CSNK1E: variants seen among roughly 807,000 people sequenced by gnomAD.
The protein encoded by CSNK1E is casein kinase 1 epsilon, also known as casein kinase I isoform epsilon.
CSNK1E carries 17 observed loss-of-function variants against 46.1 expected under a neutral mutation model. The ratio of observed to expected loss-of-function variants is 0.37; its 90% CI spans 0.25 to 0.55. CSNK1E has a LOEUF of 0.55. CSNK1E is among the 20% of genes least tolerant of loss of function. The pLI is 0.82. For missense variants in CSNK1E, 386 were observed against 595.4 expected (o/e 0.65, Z 3.66); for synonymous variants, 241 against 242.6 (o/e 0.99, Z 0.06).
rs1318508318 is a variant in CSNK1E, at chr22:38,300,319, G to A, written c.566-254C>T. ...ACTTAATCATTCAATGACTATGAGA[G>A]GGCACCTACTGCCCCCTTGCCTGGC... On this transcript the variant is annotated intron_variant, in intron 5 of 10. Coordinates refer to ENST00000396832, the MANE Select transcript of CSNK1E (RefSeq NM_152221.3). This position sits in a 1 kb window ranked among gnomAD's most constrained non-coding sequence, Gnocchi z 4.4. Among the ~76,000 whole-genome samples, 3 of 152,240 alleles carry A rather than the reference G, an allele frequency of 2.0e-5. No individual in the cohort carries two copies. Among genetic ancestry groups the A allele is most frequent in the African/African-American group, 7.2e-5 (3 of 41,460 alleles).
intron 7 of CSNK1E, among the ~76,000 whole-genome samples, chr22:38,295,095 T>G (rs949233735): frequency 6.6e-6 from 1 of 152,144 alleles, no homozygotes; most frequent in Non-Finnish European, 1.5e-5. Context: ...TCCTTCCCCC[T>G]GCCGGGACCT....
chr22:38,293,118 T>TA (rs1482543454), intron 10 of CSNK1E, 137 bp downstream of exon 10: 6 of 745,514 alleles, frequency 8.0e-6, no homozygotes, highest in Middle Eastern at 2.7e-4. Flanking sequence ...TGAGGCCCCT[T>TA]AGAGTTCTGG....
Position 38,294,007 on chromosome 22 carries a change from G to T in CSNK1E, c.1218+102C>A. 1 of 1,369,888 alleles carries T rather than the reference G, an allele frequency of 7.3e-7. No individual in the cohort carries two copies. The highest frequency in any genetic ancestry group is 9.9e-7 in the Non-Finnish European group (1 of 1,010,924). 84.9% of individuals were successfully genotyped at this position (1,369,888 alleles called of 1,614,324 possible). ...GAAGGGGTTCACTCCAAGGCAAGCAGCGTCGATGGAAAGGGAAGAACAGAG... is the reference window on the plus strand; with the variant it reads ...GAAGGGGTTCACTCCAAGGCAAGCATCGTCGATGGAAAGGGAAGAACAGAG... On this transcript the variant is annotated intron_variant, in intron 9 of 10. Coordinates refer to ENST00000396832, the MANE Select transcript of CSNK1E (RefSeq NM_152221.3). The surrounding 1 kb of genome is among the most constrained non-coding windows in gnomAD (Gnocchi z 5.5).
In CSNK1E at chr22:38,292,792, C is replaced by G. The variant is rs188925297; in HGVS notation, c.*32+463G>C. The G allele has an allele frequency of 3.2e-3, 529 of 166,102 alleles. 9 individuals are homozygous for G. Among genetic ancestry groups the G allele is most frequent in the Non-Finnish European group, 2.1e-3 (159 of 75,710 alleles). 10.3% of individuals were successfully genotyped at this position (166,102 alleles called of 1,614,324 possible). A position where few individuals can be genotyped will look rare whatever the true frequency, so the allele number is the denominator to read the frequency against. ...CTCACGCTGGCCAGAGGGCCTCTCT[C>G]AGTCCTACTACAGAGGCATAAAAAG... is the stretch of plus-strand genomic sequence containing the variant. On this transcript the variant is annotated intron_variant, in intron 10 of 10. Transcript: ENST00000396832.
chr22:38,305,713 A>G (rs2092695735), intron 2 of CSNK1E, among the ~76,000 whole-genome samples: 1 of 151,614 alleles, frequency 6.6e-6, no homozygotes, highest in Admixed American at 6.5e-5. Context: ...AGAAATGCAA[A>G]TTAATATGAT....
At position 38,291,336 on chromosome 22, in the gene CSNK1E, A is replaced by T. The variant is rs2092608753; in HGVS notation, c.*635T>A. On this transcript the variant is annotated 3_prime_UTR_variant, in exon 11 of 11. Coordinates refer to ENST00000396832, the MANE Select transcript of CSNK1E (RefSeq NM_152221.3). Reference sequence around the variant, plus strand: ...TGTCTTGGGAAACACAGGTCAATACATCCACACACACACACACACACACAC... The same window carrying T: ...TGTCTTGGGAAACACAGGTCAATACTTCCACACACACACACACACACACAC... 1 of 80,170 alleles carries T rather than the reference A, an allele frequency of 1.2e-5. No homozygotes were observed. Among genetic ancestry groups the T allele is most frequent in the Admixed American group, 1.4e-4 (1 of 6,968 alleles). 5.0% of individuals were successfully genotyped at this position (80,170 alleles called of 1,614,324 possible).
chr22:38,308,532 A>G (rs2092708081), intron 2 of CSNK1E, among the ~76,000 whole-genome samples: 2 of 152,090 alleles, frequency 1.3e-5, no homozygotes, highest in South Asian at 4.2e-4. Context: ...CACCCCTCTG[A>G]GCCCCAGGTA....
chr22:38,298,159 T>C lies in CSNK1E; in HGVS notation c.885+627A>G, dbSNP rs753913446. The C allele has an allele frequency of 3.1e-6, 4 of 1,301,832 alleles. No individual in the cohort carries two copies. Among genetic ancestry groups the C allele is most frequent in the Non-Finnish European group, 4.0e-6 (4 of 987,678 alleles). The allele number at this position is 1,301,832 out of a possible 1,614,324, so 80.6% of individuals were successfully genotyped here. ...GGCGGGGACAGAAAGGTCCCTTCGC[T>C]GTCATGGGGCTGTCACGGGGCTGAG... On this transcript the variant is annotated intron_variant, in intron 7 of 10. Transcript: ENST00000396832. This position sits in a 1 kb window ranked among gnomAD's most constrained non-coding sequence, Gnocchi z 4.2.
At chr22:38,316,478 G>A (rs1291416919) in intron 1 of CSNK1E, among the ~76,000 whole-genome samples, 2 of 152,200 alleles carry the variant, frequency 1.3e-5, no homozygotes, top group Non-Finnish European at 2.9e-5. Context: ...TCGAGTTAGG[G>A]TATTAACAAG....
chr22:38,308,418 G>C (rs997964365), intron 2 of CSNK1E, among the ~76,000 whole-genome samples: 1 of 152,058 alleles, frequency 6.6e-6, no homozygotes, highest in Non-Finnish European at 1.5e-5. Context: ...GAGCAGAGAG[G>C]CAGGAGAGTG....
At chr22:38,316,701 G>A (rs2092747781) in intron 1 of CSNK1E, 1 of 152,278 alleles carries the variant, frequency 6.6e-6, no homozygotes, top group Non-Finnish European at 1.5e-5. Context: ...CAACGAGCGG[G>A]CGCAGCCTTG....
intron 2 of CSNK1E, among the ~76,000 whole-genome samples, chr22:38,311,287 G>C (rs925059985): frequency 1.3e-5 from 2 of 152,170 alleles, no homozygotes; most frequent in Non-Finnish European, 2.9e-5. Flanking sequence ...GCTCACAAAA[G>C]GAAGAACCAG....
intron 7 of CSNK1E, chr22:38,297,087 T>C (rs751352663): frequency 2.6e-6 from 2 of 773,606 alleles, no homozygotes; most frequent in South Asian, 2.7e-5. Context: ...ATTTCCAGTC[T>C]TGATTAATTT....
chr22:38,299,391 G>C (rs924131485), intron 6 of CSNK1E, among the ~76,000 whole-genome samples: 2 of 152,250 alleles, frequency 1.3e-5, no homozygotes, highest in Non-Finnish European at 2.9e-5. Flanking sequence ...GATGAGGCAG[G>C]AATGTAGGCC....
chr22:38,300,627 G>T lies in CSNK1E; in HGVS notation c.565+97C>A. 8.5e-7 allele frequency: 1 copy of T among 1,175,100 alleles called. No individual in the cohort carries two copies. 72.8% of individuals were successfully genotyped at this position (1,175,100 alleles called of 1,614,324 possible). Reference sequence around the variant, plus strand: ...GGACTTTCTCACTAGAAAAGAGCCTGGGGGCCTCCATCAGGGTAGGGGGTG... The same window carrying T: ...GGACTTTCTCACTAGAAAAGAGCCTTGGGGCCTCCATCAGGGTAGGGGGTG... On this transcript the variant is annotated intron_variant, in intron 5 of 10. Coordinates refer to ENST00000396832, the MANE Select transcript of CSNK1E (RefSeq NM_152221.3). This position sits in a 1 kb window ranked among gnomAD's most constrained non-coding sequence, Gnocchi z 4.4.
chr22:38,304,570 TCAG>T (rs897767292), intron 2 of CSNK1E, among the ~76,000 whole-genome samples: 1 of 151,944 alleles, frequency 6.6e-6, no homozygotes, highest in Non-Finnish European at 1.5e-5. Context: ...GCCCAAGTGC[TCAG>T]CAGCAGAAGA....
chr22:38,300,702 G>A lies in CSNK1E; in HGVS notation c.565+22C>T, dbSNP rs1307556598. ...CAGCCAGTGGCCCCGGGTGCACACTGCTCCAGGCCTGGCTCCCTCACCAAT... is the reference window on the plus strand; with the variant it reads ...CAGCCAGTGGCCCCGGGTGCACACTACTCCAGGCCTGGCTCCCTCACCAAT... On this transcript the variant is annotated intron_variant, in intron 5 of 10. Transcript: ENST00000396832. This position sits in a 1 kb window ranked among gnomAD's most constrained non-coding sequence, Gnocchi z 4.4. The A allele has an allele frequency of 1.9e-6, 3 of 1,610,494 alleles. No individual in the cohort carries two copies. The highest frequency in any genetic ancestry group is 2.2e-5 in the East Asian group (1 of 44,862).
chr22:38,314,590 C>T (rs2092735397), intron 1 of CSNK1E, among the ~76,000 whole-genome samples: 1 of 152,246 alleles, frequency 6.6e-6, no homozygotes, highest in South Asian at 2.1e-4. Context: ...AGTCGCATCC[C>T]CTACTGGGGG....
At position 38,294,327 on chromosome 22, in the gene CSNK1E, T is replaced by C. The variant is rs1031156995; in HGVS notation, c.1078+15A>G. The C allele has an allele frequency of 1.9e-6, 3 of 1,547,820 alleles. No homozygotes were observed. The highest frequency in any genetic ancestry group is 2.6e-6 in the Non-Finnish European group (3 of 1,144,376). On this transcript the variant is annotated intron_variant, in intron 8 of 10. Coordinates refer to ENST00000396832, the MANE Select transcript of CSNK1E (RefSeq NM_152221.3). The surrounding 1 kb of genome is among the most constrained non-coding windows in gnomAD (Gnocchi z 5.5). ...CCCACCCTGAACCCAGCCCACTGCC[T>C]GAGTCCCTGCTCACCAGCCGGCTGG...
Sources: gnomAD v4.1 joint callset for allele counts (sites outside exome capture counted in the v4.1 genomes callset) on GRCh38, gnomAD v4.1.1 for gene constraint, Gnocchi (gnomAD v3.1) non-coding constraint, MANE v1.5 for transcripts, NCBI Gene and HGNC (gene_info 2026-07-23, HGNC 2026-07-21) for gene names.